ITPR1: variants seen among roughly 807,000 people sequenced by gnomAD.
ITPR1 encodes the protein inositol 1,4,5-trisphosphate-gated calcium channel ITPR1.
In ITPR1, 96 loss-of-function variants were observed where a neutral mutation model predicts 318.4. That is an observed-to-expected ratio of 0.30 (90% CI 0.26 to 0.36). ITPR1 has a LOEUF of 0.36. ITPR1 is among the 10% of genes least tolerant of loss of function. The pLI is 1.00. For missense variants in ITPR1, 2,440 were observed against 3,460.2 expected (o/e 0.71, Z 7.40); for synonymous variants, 1,312 against 1,289.9 (o/e 1.02, Z -0.37).
intron 60 of ITPR1, among the ~76,000 whole-genome samples, chr3:4,818,472 AG>A (rs2049451837): frequency 6.6e-6 from 1 of 152,098 alleles, no homozygotes; most frequent in African/African-American, 2.4e-5. Context: ...GGAAATGTTG[AG>A]CCTCGGTGAG....
intron 12 of ITPR1, among the ~76,000 whole-genome samples, chr3:4,655,160 T>C (rs56378886): frequency 0.43 from 65,527 of 152,080 alleles, 14,306 homozygotes; most frequent in East Asian, 0.52. Context: ...TTTCACAGGA[T>C]GGTTCTTGTC....
chr3:4,766,759 G>T (rs1185670537), intron 45 of ITPR1, 49 bp downstream of exon 45: 1 of 1,418,798 alleles, frequency 7.0e-7, no homozygotes, highest in African/African-American at 1.4e-5. Flanking sequence ...CACCAGAAGA[G>T]TCCTTGTTAT....
chr3:4,792,261 C>A (rs116279015), intron 52 of ITPR1, among the ~76,000 whole-genome samples: 409 of 152,306 alleles, frequency 2.7e-3, no homozygotes, highest in Non-Finnish European at 4.5e-3. Context: ...CTGCAAAGCC[C>A]CTTTTGCTAG....
At chr3:4,730,199 G>A (rs1427663263) in intron 42 of ITPR1, among the ~76,000 whole-genome samples, 1 of 137,668 alleles carries the variant, frequency 7.3e-6, no homozygotes, top group Non-Finnish European at 1.6e-5. Context: ...TTTCAAAAAA[G>A]GAATGAATCT....
chr3:4,671,596 A>T (rs921197065), intron 20 of ITPR1: 1 of 150,182 alleles, frequency 6.7e-6, no homozygotes, highest in African/African-American at 2.5e-5. Context: ...TCTGCCACCC[A>T]CCTCCACGGT....
chr3:4,539,243 T>C (rs1202610328), intron 4 of ITPR1, among the ~76,000 whole-genome samples: 1 of 152,194 alleles, frequency 6.6e-6, no homozygotes, highest in African/African-American at 2.4e-5. Context: ...TAGTTCTCTT[T>C]TTTGAAAAAA....
chr3:4,518,285 A>G (rs1168601323), intron 3 of ITPR1, among the ~76,000 whole-genome samples: 1 of 152,050 alleles, frequency 6.6e-6, no homozygotes, highest in Non-Finnish European at 1.5e-5. Flanking sequence ...AGCCCCCGGG[A>G]TCTTAGTACC....
intron 61 of ITPR1, among the ~76,000 whole-genome samples, chr3:4,839,057 G>C (rs755307678): frequency 3.9e-5 from 6 of 152,358 alleles, no homozygotes; most frequent in Middle Eastern, 3.4e-3. Flanking sequence ...GCCGGGCGTG[G>C]TGGCTCACGC....
chr3:4,517,858 G>T (rs1358318935), intron 3 of ITPR1, among the ~76,000 whole-genome samples: 3 of 152,070 alleles, frequency 2.0e-5, no homozygotes, highest in African/African-American at 7.2e-5. Context: ...CTTCTTTTCA[G>T]TAATGACAGC....
intron 46 of ITPR1, among the ~76,000 whole-genome samples, chr3:4,769,462 T>C (rs547724102): frequency 6.6e-6 from 1 of 152,340 alleles, no homozygotes; most frequent in East Asian, 1.9e-4. Flanking sequence ...ATTGGATACA[T>C]AGAAAGTTCT....
intron 4 of ITPR1, among the ~76,000 whole-genome samples, chr3:4,598,449 G>A (rs1222510296): frequency 6.6e-5 from 10 of 151,996 alleles, no homozygotes; most frequent in African/African-American, 9.7e-5. Context: ...GTGAGACCCC[G>A]TCTCTACAAA....
intron 2 of ITPR1, among the ~76,000 whole-genome samples, chr3:4,497,056 G>T (rs1393708061): frequency 3.9e-5 from 1 of 25,932 alleles, no homozygotes; most frequent in Non-Finnish European, 6.5e-5. Flanking sequence ...AGAAGTCCAT[G>T]CAGTTTTTTT....
intron 21 of ITPR1, 57 bp downstream of exon 21, chr3:4,673,444 C>G: frequency 7.0e-7 from 1 of 1,436,030 alleles, no homozygotes; most frequent in Non-Finnish European, 9.3e-7. Flanking sequence ...AGTAGATAGC[C>G]CCATATGGTC....
intron 4 of ITPR1, among the ~76,000 whole-genome samples, chr3:4,566,699 A>G (rs2087318764): frequency 6.6e-6 from 1 of 151,752 alleles, no homozygotes; most frequent in Non-Finnish European, 1.5e-5. Flanking sequence ...CCTGAATGCA[A>G]TGCAGATTCT....
intron 40 of ITPR1, among the ~76,000 whole-genome samples, chr3:4,719,798 A>G (rs2042018876): frequency 6.6e-6 from 1 of 152,158 alleles, no homozygotes; most frequent in Non-Finnish European, 1.5e-5. Flanking sequence ...GCTGCATTCT[A>G]GAATAAAATT....
At chr3:4,569,505 G>A (rs1262711719) in intron 4 of ITPR1, among the ~76,000 whole-genome samples, 1 of 152,188 alleles carries the variant, frequency 6.6e-6, no homozygotes, top group East Asian at 1.9e-4. Flanking sequence ...ACAAGCTTGT[G>A]CATTGCTGAT....
At chr3:4,842,356 G>A (rs2106553907) in intron 61 of ITPR1, among the ~76,000 whole-genome samples, 1 of 152,268 alleles carries the variant, frequency 6.6e-6, no homozygotes, top group Admixed American at 6.5e-5. Context: ...TTTGAGGTTT[G>A]GTTTGGGTTT....
At chr3:4,823,943 C>T (rs2049895039) in intron 60 of ITPR1, among the ~76,000 whole-genome samples, 1 of 152,128 alleles carries the variant, frequency 6.6e-6, no homozygotes, top group Non-Finnish European at 1.5e-5. Flanking sequence ...TGTTGGAATT[C>T]TGCCCGGTTA....
intron 30 of ITPR1, among the ~76,000 whole-genome samples, chr3:4,685,780 C>T (rs1305850146): frequency 6.6e-6 from 1 of 152,196 alleles, no homozygotes; most frequent in Non-Finnish European, 1.5e-5. Flanking sequence ...CAGGAGCAGG[C>T]TGACAGTGCT....
Sources: allele counts gnomAD v4.1 joint callset (sites outside exome capture counted in the v4.1 genomes callset), GRCh38; gene constraint gnomAD v4.1.1; transcripts MANE v1.5; gene names NCBI Gene and HGNC (gene_info 2026-07-23, HGNC 2026-07-21).